Variants in GPR141 observed in about 807,000 individuals in gnomAD.
GPR141 encodes the protein G protein-coupled receptor 141.
Under a neutral mutation model 6.8 loss-of-function variants are expected in GPR141, and 6 were observed. The observed-to-expected ratio is 0.88, with a 90% CI of 0.48 to 1.74. GPR141 has a LOEUF of 1.74. Among genes scored for constraint, GPR141 ranks in the 40% most tolerant of loss-of-function variants. The pLI is 0.01. For missense variants in GPR141, 372 were observed against 372.9 expected, an observed-to-expected ratio of 1.00 and a Z score of 0.02; for synonymous variants, 140 against 142.3, an observed-to-expected ratio of 0.98 and a Z score of 0.11.
chr7:37,688,260 G>A (rs866947494), intron 2 of GPR141, among the ~76,000 whole-genome samples: 3 of 151,734 alleles, frequency 2.0e-5, no homozygotes, highest in Non-Finnish European at 4.4e-5. Context: ...GTGAACCCCC[G>A]TCTCTACTAA....
At chr7:37,711,568 A>C (rs1056948474) in intron 2 of GPR141, among the ~76,000 whole-genome samples, 1 of 152,172 alleles carries the variant, frequency 6.6e-6, no homozygotes, top group African/African-American at 2.4e-5. Context: ...CATTCCTTTG[A>C]GATAACTCCT....
chr7:37,704,145 A>T (rs1668336603), intron 2 of GPR141, among the ~76,000 whole-genome samples: 2 of 152,174 alleles, frequency 1.3e-5, no homozygotes, highest in South Asian at 4.1e-4. Flanking sequence ...ATGGTTATGA[A>T]TTTTTGTGGG....
At position 37,741,141 on chromosome 7, in the gene GPR141, A is replaced by G. The variant is rs756832913; in HGVS notation, c.748A>G (p.Asn250Asp). 1 of 1,614,000 alleles carries G rather than the reference A, an allele frequency of 6.2e-7. No individual in the cohort carries two copies. The highest frequency in any genetic ancestry group is 1.1e-5 in the South Asian group (1 of 91,074). Residue 250 changes from asparagine to aspartate, a missense_variant, in exon 3 of 3, where the codon AAT becomes GAT. By Grantham distance (23) the Asn-to-Asp change is conservative (BLOSUM62 1). Transcript: ENST00000334425. ...CCAGTTCTTTAGGATCTATTACTTG[A>G]ATGTTGTGACGCATTCCAATGCCTG... ...PYQFFRIYYL[N>D]VVTHSNACNS...
rs1357702929 is a variant in GPR141 at position 37,742,652 on chromosome 7, G to A, written c.*1341G>A. ...TAGACTCTGTGAGATTAGGTTGCAT[G>A]AAGAAGGTTTTCTGAATATTTGAAG... is the stretch of plus-strand genomic sequence containing the variant. On this transcript the variant is annotated 3_prime_UTR_variant, in exon 3 of 3. Coordinates refer to ENST00000334425, the MANE Select transcript of GPR141 (RefSeq NM_001381946.1). Among the ~76,000 whole-genome samples, 1 of 151,448 alleles carries A rather than the reference G, an allele frequency of 6.6e-6. No homozygotes were observed. Among genetic ancestry groups the A allele is most frequent in the East Asian group, 2.0e-4 (1 of 5,124 alleles).
intron 2 of GPR141, among the ~76,000 whole-genome samples, chr7:37,688,092 C>T (rs1000443073): frequency 6.6e-6 from 1 of 152,102 alleles, no homozygotes; most frequent in Non-Finnish European, 1.5e-5. Flanking sequence ...ATGGGATGTA[C>T]TTTGCTGGCC....
intron 2 of GPR141, among the ~76,000 whole-genome samples, chr7:37,719,408 G>A (rs181009464): frequency 1.3e-3 from 197 of 152,274 alleles, no homozygotes; most frequent in Non-Finnish European, 2.3e-3. Context: ...GATAATGCTT[G>A]GATATCTGCA....
intron 2 of GPR141, among the ~76,000 whole-genome samples, chr7:37,728,060 C>G (rs1811720536): frequency 6.6e-6 from 1 of 152,172 alleles, no homozygotes; most frequent in Non-Finnish European, 1.5e-5. Context: ...GCTTTATTTC[C>G]TCCTCTCTAC....
At chr7:37,736,859 A>C (rs923137395) in intron 2 of GPR141, among the ~76,000 whole-genome samples, 1 of 152,232 alleles carries the variant, frequency 6.6e-6, no homozygotes, top group East Asian at 1.9e-4. Context: ...TCAAGAAGAC[A>C]TAAAAATCAA....
At chr7:37,732,084 G>T (rs189220415) in intron 2 of GPR141, among the ~76,000 whole-genome samples, 9 of 147,258 alleles carry the variant, frequency 6.1e-5, no homozygotes, top group African/African-American at 2.0e-4. Context: ...TTAAGTTCTA[G>T]GGTACATGTG....
intron 2 of GPR141, among the ~76,000 whole-genome samples, chr7:37,686,862 A>G (rs1809537059): frequency 6.6e-6 from 1 of 152,114 alleles, no homozygotes; most frequent in African/African-American, 2.4e-5. Flanking sequence ...CATAGGAGAG[A>G]GAAATACTTT....
In GPR141 at chr7:37,743,664, A is replaced by C. The variant is rs1244144307; in HGVS notation, c.*2353A>C. On this transcript the variant is annotated 3_prime_UTR_variant, in exon 3 of 3. Transcript: ENST00000334425. ...TAGATATGTTGAGGTCAGGCAATTC[A>C]AAAGAATTAATCTCTGTATTAATCT... Among the ~76,000 whole-genome samples, 1 of 152,140 alleles carries C rather than the reference A, an allele frequency of 6.6e-6. No homozygotes were observed. Among genetic ancestry groups the C allele is most frequent in the East Asian group, 1.9e-4 (1 of 5,204 alleles).
At chr7:37,720,891 G>T (rs945094337) in intron 2 of GPR141, among the ~76,000 whole-genome samples, 3 of 152,312 alleles carry the variant, frequency 2.0e-5, no homozygotes, top group African/African-American at 7.2e-5. Context: ...TGGCTTTAGA[G>T]AACTTGAGTA....
At chr7:37,736,381 G>A (rs981144365) in intron 2 of GPR141, among the ~76,000 whole-genome samples, 1 of 151,912 alleles carries the variant, frequency 6.6e-6, no homozygotes, top group Non-Finnish European at 1.5e-5. Flanking sequence ...AACTTTAAGA[G>A]GAGATAACAG....
chr7:37,711,119 A>T lies in GPR141; in HGVS notation c.-15+25536A>T, dbSNP rs376064453. On this transcript the variant is annotated intron_variant, in intron 2 of 2. Transcript: ENST00000334425. ...TAGTTGATCTCTTCATTTTGTAGAG[A>T]GATACACTAAGGCTGGAAAGGTGAC... 1.1e-4 allele frequency among the ~76,000 whole-genome samples: 17 copies of T among 152,308 alleles called. No individual in the cohort carries two copies. The East Asian group carries it at 3.3e-3, about 29-fold the overall frequency.
intron 2 of GPR141, among the ~76,000 whole-genome samples, chr7:37,732,014 GTTTC>G (rs887157471): frequency 2.2e-5 from 3 of 138,440 alleles, no homozygotes; most frequent in Admixed American, 7.5e-5. Context: ...AGGAAGAGAG[GTTTC>G]TTTGTTTGTT....
intron 2 of GPR141, chr7:37,713,201 A>G (rs1165574586): frequency 6.6e-6 from 1 of 152,278 alleles, no homozygotes; most frequent in East Asian, 1.9e-4. Flanking sequence ...TAGGCAGTGC[A>G]TGAAGAATTG....
chr7:37,685,204 G>A (rs1809442306), intron 1 of GPR141: 1 of 152,186 alleles, frequency 6.6e-6, no homozygotes, highest in South Asian at 2.1e-4. Flanking sequence ...ATTATAAAAT[G>A]GAAGTTGTAG....
chr7:37,738,408 A>T (rs17171155), intron 2 of GPR141, among the ~76,000 whole-genome samples: 3,632 of 152,294 alleles, frequency 0.024, 160 homozygotes, highest in African/African-American at 0.083. Flanking sequence ...TGGCACATTC[A>T]TTCTTGACTC....
intron 2 of GPR141, among the ~76,000 whole-genome samples, chr7:37,735,271 A>G (rs189482174): frequency 2.4e-4 from 37 of 152,368 alleles, no homozygotes; most frequent in African/African-American, 8.7e-4. Context: ...TTCTTTCACA[A>G]CAGTAGCTTT....
Sources: allele counts gnomAD v4.1 joint callset (sites outside exome capture counted in the v4.1 genomes callset), GRCh38; gene constraint gnomAD v4.1.1; transcripts MANE v1.5; gene names NCBI Gene and HGNC (gene_info 2026-07-23, HGNC 2026-07-21).